The following SOX5 variants were observed in gnomAD, a reference collection of about 807,000 sequenced individuals.
SOX5 encodes the protein transcription factor SOX-5.
In SOX5, 9 loss-of-function variants were observed where a neutral mutation model predicts 92.0. The observed-to-expected ratio is 0.10, with a 90% CI of 0.06 to 0.17. The LOEUF is 0.17. Among genes scored for constraint, SOX5 ranks in the 10% least tolerant of loss-of-function variants. The probability of loss-of-function intolerance (pLI) is 1.00; values close to 1 mark genes in which losing one functional copy is unlikely to be tolerated. For synonymous variants in SOX5, 344 were observed against 336.3 expected (o/e 1.02, Z -0.25); for missense variants, 642 against 944.5 (o/e 0.68, Z 4.20).
intron 4 of SOX5, among the ~76,000 whole-genome samples, chr12:24,190,427 C>A (rs924337519): frequency 6.6e-6 from 1 of 152,174 alleles, no homozygotes; most frequent in Non-Finnish European, 1.5e-5. Flanking sequence ...TTCTTAAAAA[C>A]CTATACGGAG....
chr12:23,904,508 A>C (rs943870690), intron 1 of SOX5, among the ~76,000 whole-genome samples: 5 of 152,214 alleles, frequency 3.3e-5, no homozygotes, highest in African/African-American at 1.2e-4. Flanking sequence ...ACCAGAGTAG[A>C]GATCAACAAA....
chr12:24,120,071 T>TTGGG (rs1468676151), intron 4 of SOX5, among the ~76,000 whole-genome samples: 3 of 152,220 alleles, frequency 2.0e-5, no homozygotes, highest in Non-Finnish European at 4.4e-5. Context: ...TCTGTATTTG[T>TTGGG]TGGGCATTTG....
At chr12:23,911,538 TAA>T (rs1292644714) in intron 1 of SOX5, among the ~76,000 whole-genome samples, 1 of 152,118 alleles carries the variant, frequency 6.6e-6, no homozygotes, top group East Asian at 1.9e-4. Flanking sequence ...TTTGTTACTG[TAA>T]ATGACTTATT....
At chr12:23,928,115 G>T (rs975929108) in intron 1 of SOX5, among the ~76,000 whole-genome samples, 2 of 152,014 alleles carry the variant, frequency 1.3e-5, no homozygotes, top group Admixed American at 1.3e-4. Flanking sequence ...GCTCCCTGGA[G>T]AAATAAGGTA....
intron 1 of SOX5, among the ~76,000 whole-genome samples, chr12:24,490,218 A>C (rs879349582): frequency 3.3e-5 from 5 of 152,240 alleles, no homozygotes; most frequent in African/African-American, 9.6e-5. Flanking sequence ...CATTATGCAG[A>C]GCAAGAAAAG....
Position 24,110,729 on chromosome 12 carries a change from A to C in SOX5, c.-2+102614T>G, listed in dbSNP as rs565140120. ...TGAAACTCCGTCTCTACTAAAAATAAAAATAAAATAAAATTTAAAAAATTA... is the reference window on the plus strand; with the variant it reads ...TGAAACTCCGTCTCTACTAAAAATACAAATAAAATAAAATTTAAAAAATTA... On this transcript the variant is annotated intron_variant, in intron 4 of 4. Transcript: ENST00000446891. 1.3e-4 allele frequency among the ~76,000 whole-genome samples: 19 copies of C among 151,684 alleles called. No homozygotes were observed. The East Asian group carries it at 3.7e-3, about 29-fold the overall frequency.
At chr12:23,620,411 T>C (rs2077034495) in intron 8 of SOX5, among the ~76,000 whole-genome samples, 1 of 152,134 alleles carries the variant, frequency 6.6e-6, no homozygotes, top group Non-Finnish European at 1.5e-5. Flanking sequence ...AAGTAATATC[T>C]ACCTAATCAC....
At chr12:23,899,285 C>T (rs2097208114) in intron 1 of SOX5, among the ~76,000 whole-genome samples, 1 of 151,810 alleles carries the variant, frequency 6.6e-6, no homozygotes. Flanking sequence ...CCTGTAATCT[C>T]AGCTATTTAG....
rs185275894 is a variant in SOX5 at position 24,506,822 on chromosome 12, G to A, written c.-251+55507C>T. ...TTTTTTTTTTGGAGACGGGAGTCTC[G>A]CTCTGTCGCCCAGGCTGGAGTGCAG... On this transcript the variant is annotated intron_variant, in intron 1 of 4. Coordinates refer to the SOX5 transcript ENST00000446891. Among the ~76,000 whole-genome samples the A allele has an allele frequency of 4.3e-3, 424 of 98,652 alleles. 2 individuals carry two copies. The highest frequency in any genetic ancestry group is 0.015 in the African/African-American group (372 of 24,580). The allele number at this position is 98,652 out of a possible 152,430, so 64.7% of individuals were successfully genotyped here.
chr12:23,703,945 C>T (rs569930245), intron 6 of SOX5, among the ~76,000 whole-genome samples: 1 of 152,032 alleles, frequency 6.6e-6, no homozygotes, highest in South Asian at 2.1e-4. Context: ...ATAGATACTC[C>T]TGCATTCTCA....
At chr12:23,629,429 A>G (rs933498121) in intron 8 of SOX5, among the ~76,000 whole-genome samples, 1 of 152,104 alleles carries the variant, frequency 6.6e-6, no homozygotes, top group East Asian at 1.9e-4. Flanking sequence ...CCTTTTGTTA[A>G]TATCTGTTTT....
At position 23,671,373 on chromosome 12, in the gene SOX5, A is replaced by G. The variant is rs1394795309; in HGVS notation, c.811-5809T>C. 2.0e-5 allele frequency among the ~76,000 whole-genome samples: 3 copies of G among 152,296 alleles called. No homozygotes were observed. The East Asian group carries it at 5.8e-4, about 29-fold the overall frequency. The stretch of plus-strand genomic sequence containing the variant: ...ATCATCCTTAGGGATCAGTTCACCT[A>G]CAGCTGAAATTCAGTCACCTTCAGT... On this transcript the variant is annotated intron_variant, in intron 6 of 14. Coordinates refer to ENST00000451604, the MANE Select transcript of SOX5 (RefSeq NM_006940.6).
At chr12:23,542,881 C>A (rs1277549969) in intron 13 of SOX5, among the ~76,000 whole-genome samples, 1 of 152,106 alleles carries the variant, frequency 6.6e-6, no homozygotes, top group African/African-American at 2.4e-5. Flanking sequence ...GAAATGAATA[C>A]AAATGATCAG....
intron 4 of SOX5, among the ~76,000 whole-genome samples, chr12:24,073,821 A>T (rs1005220167): frequency 8.5e-5 from 13 of 152,230 alleles, no homozygotes; most frequent in African/African-American, 2.7e-4. Flanking sequence ...TACACAATGA[A>T]TTTATGAAAT....
intron 8 of SOX5, among the ~76,000 whole-genome samples, chr12:23,621,614 A>G (rs1169336883): frequency 6.6e-6 from 1 of 152,092 alleles, no homozygotes; most frequent in East Asian, 1.9e-4. Context: ...CAAAGGGGGG[A>G]AGAAATATTG....
intron 9 of SOX5, among the ~76,000 whole-genome samples, chr12:23,583,695 A>G (rs1592280553): frequency 6.6e-6 from 1 of 152,166 alleles, no homozygotes; most frequent in East Asian, 1.9e-4. Flanking sequence ...TAATCACACC[A>G]GTTCCTCTTT....
upstream of SOX5, among the ~76,000 whole-genome samples, chr12:23,955,755 A>AAAAATCCATATAACCC (rs1946217689): frequency 6.6e-6 from 1 of 152,186 alleles, no homozygotes; most frequent in South Asian, 2.1e-4. Flanking sequence ...GTAAAAAAAA[A>AAAAATCCATATAACCC]AAAATCCATA....
intron 2 of SOX5, among the ~76,000 whole-genome samples, chr12:24,283,519 C>T (rs907148254): frequency 6.6e-6 from 1 of 152,212 alleles, no homozygotes; most frequent in African/African-American, 2.4e-5. Flanking sequence ...ACAACCATAC[C>T]TGGTAGTCCT....
chr12:23,890,175 T>C (rs2137470721), intron 2 of SOX5, among the ~76,000 whole-genome samples: 1 of 152,014 alleles, frequency 6.6e-6, no homozygotes, highest in East Asian at 1.9e-4. Context: ...CAAAAATTAG[T>C]TGCGCATGGT....
Sources: allele counts gnomAD v4.1 joint callset (sites outside exome capture counted in the v4.1 genomes callset), GRCh38; gene constraint gnomAD v4.1.1; transcripts MANE v1.5; gene names NCBI Gene and HGNC (gene_info 2026-07-23, HGNC 2026-07-21).